Variants in SCN11A observed in about 807,000 individuals in gnomAD.
SCN11A encodes the protein sodium voltage-gated channel alpha subunit 11, also known as sodium channel protein type 11 subunit alpha.
Under a neutral mutation model 162.2 loss-of-function variants are expected in SCN11A, and 122 were observed. The observed-to-expected ratio is 0.75, with a 90% CI of 0.65 to 0.87. SCN11A has a LOEUF of 0.87. Ranked by LOEUF, SCN11A falls within the 40% of genes least tolerant of loss-of-function variation. SCN11A has a pLI of 0.00. For missense variants in SCN11A, 2,015 were observed against 2,181.6 expected, an observed-to-expected ratio of 0.92 and a Z score of 1.52; for synonymous variants, 758 against 751.5, an observed-to-expected ratio of 1.01 and a Z score of -0.14.
chr3:39,051,902 G>A lies in SCN11A; in HGVS notation c.-445C>T, dbSNP rs2032399099. On this transcript the variant is annotated 5_prime_UTR_variant, in exon 1 of 30. Transcript: ENST00000302328. ...CGGCCACACAGCAACTAACAGCACC[G>A]AGGAAACACAACAGCCTGTTTACCT... 2.5e-6 allele frequency: 3 copies of A among 1,216,888 alleles called. No individual in the cohort carries two copies. Among genetic ancestry groups the A allele is most frequent in the Admixed American group, 2.0e-5 (1 of 51,202 alleles). The allele number at this position is 1,216,888 out of a possible 1,614,324, so 75.4% of individuals were successfully genotyped here. A position where few individuals can be genotyped will look rare whatever the true frequency, so the allele number is the denominator to read the frequency against.
In SCN11A at chr3:38,859,787, T is replaced by C. The variant is rs73066569; in HGVS notation, c.4056+3408A>G. The stretch of plus-strand genomic sequence containing the variant: ...TTCATGGCTTGACTTTGAAACAAAA[T>C]TGATAATAGATCTTTCCCAAAATGA... On this transcript the variant is annotated intron_variant, in intron 28 of 29. Coordinates refer to ENST00000302328, the MANE Select transcript of SCN11A (RefSeq NM_001349253.2). 1.9e-3 allele frequency among the ~76,000 whole-genome samples: 287 copies of C among 152,260 alleles called. 2 individuals are homozygous for C. Among genetic ancestry groups the C allele is most frequent in the Non-Finnish European group, 2.0e-3 (137 of 68,006 alleles).
rs539350276 is a variant in SCN11A at position 39,017,817 on chromosome 3, C to T, written c.-280+14563G>A. Among the ~76,000 whole-genome samples, 3 of 152,142 alleles carry T rather than the reference C, an allele frequency of 2.0e-5. 1 individual carries two copies. Among genetic ancestry groups the T allele is most frequent in the South Asian group, 4.1e-4 (2 of 4,826 alleles). On this transcript the variant is annotated intron_variant, in intron 2 of 29. Coordinates refer to ENST00000302328, the MANE Select transcript of SCN11A (RefSeq NM_001349253.2). ...AATTATAATACCTATGGCACTTCTG[C>T]GTGGTTTTGATTGAACAATTTATCT...
intron 1 of SCN11A, among the ~76,000 whole-genome samples, chr3:39,044,639 A>C (rs111524169): frequency 0.016 from 2,372 of 152,296 alleles, 69 homozygotes; most frequent in African/African-American, 0.055. Flanking sequence ...ACAGAAACAC[A>C]ACATACCAAA....
chr3:39,051,116 T>C (rs2032352093), intron 1 of SCN11A, among the ~76,000 whole-genome samples: 1 of 148,558 alleles, frequency 6.7e-6, no homozygotes, highest in African/African-American at 2.4e-5. Flanking sequence ...CATCTTTTTG[T>C]CTTGTTTTTT....
At chr3:39,037,099 T>A (rs2031921398) in intron 1 of SCN11A, among the ~76,000 whole-genome samples, 3 of 152,148 alleles carry the variant, frequency 2.0e-5, no homozygotes, top group Admixed American at 6.6e-5. Context: ...GACAAGTGGA[T>A]AAAGAAAATG....
chr3:38,889,016 A>T (rs2065449074), intron 19 of SCN11A, among the ~76,000 whole-genome samples: 1 of 152,202 alleles, frequency 6.6e-6, no homozygotes, highest in South Asian at 2.1e-4. Flanking sequence ...TTTTTTAATG[A>T]AATTGAAAAA....
intron 13 of SCN11A, 135 bp from the exon 14 acceptor site, chr3:38,908,257 G>C: frequency 1.4e-6 from 1 of 728,974 alleles, no homozygotes; most frequent in South Asian, 1.7e-5. Flanking sequence ...TCATCTACCT[G>C]GACTACGCTA....
chr3:38,930,313 G>A (rs1199481428), intron 7 of SCN11A, among the ~76,000 whole-genome samples: 2 of 152,220 alleles, frequency 1.3e-5, no homozygotes, highest in Non-Finnish European at 2.9e-5. Flanking sequence ...ACAGGCAAGA[G>A]CTCCTCCTTG....
intron 20 of SCN11A, 47 bp downstream of exon 20, chr3:38,886,078 G>T: frequency 1.7e-6 from 2 of 1,198,290 alleles, no homozygotes; most frequent in Non-Finnish European, 2.5e-6. Context: ...TGGAGAAGGT[G>T]TGTGGATGAG....
intron 28 of SCN11A, among the ~76,000 whole-genome samples, chr3:38,862,407 G>T (rs953891382): frequency 1.3e-5 from 2 of 152,000 alleles, no homozygotes; most frequent in Non-Finnish European, 2.9e-5. Flanking sequence ...CAAAGGAAAA[G>T]AAATTACTAT....
chr3:38,924,319 C>T (rs1383330342), intron 9 of SCN11A, among the ~76,000 whole-genome samples: 1 of 152,004 alleles, frequency 6.6e-6, no homozygotes, highest in Non-Finnish European at 1.5e-5. Context: ...TCAAGCAATT[C>T]TCCTGCCTCA....
At chr3:39,029,783 A>G (rs1476262535) in intron 2 of SCN11A, among the ~76,000 whole-genome samples, 1 of 152,236 alleles carries the variant, frequency 6.6e-6, no homozygotes, top group African/African-American at 2.4e-5. Flanking sequence ...AGGCTTCTGC[A>G]GGCATTCATG....
At chr3:39,019,303 C>T (rs1435808795) in intron 2 of SCN11A, among the ~76,000 whole-genome samples, 1 of 152,118 alleles carries the variant, frequency 6.6e-6, no homozygotes, top group Admixed American at 6.5e-5. Context: ...CCAGAAGTGA[C>T]TCAGTGCTCA....
intron 2 of SCN11A, among the ~76,000 whole-genome samples, chr3:39,018,919 C>T (rs1298674732): frequency 6.6e-6 from 1 of 152,164 alleles, no homozygotes; most frequent in Non-Finnish European, 1.5e-5. Flanking sequence ...TCTGATCTAG[C>T]CAAATGCTCT....
chr3:39,001,247 C>CA (rs1284457288), intron 2 of SCN11A, among the ~76,000 whole-genome samples: 2 of 151,940 alleles, frequency 1.3e-5, no homozygotes, highest in African/African-American at 2.4e-5. Flanking sequence ...CATCACCCCT[C>CA]AAAAAAAACT....
At chr3:38,857,213 A>G (rs988771671) in intron 28 of SCN11A, among the ~76,000 whole-genome samples, 6 of 152,130 alleles carry the variant, frequency 3.9e-5, no homozygotes, top group African/African-American at 9.6e-5. Flanking sequence ...AATCAAGGAG[A>G]TACCAAAGAA....
At chr3:39,036,903 G>C (rs1181534146) in intron 1 of SCN11A, among the ~76,000 whole-genome samples, 1 of 152,164 alleles carries the variant, frequency 6.6e-6, no homozygotes, top group Non-Finnish European at 1.5e-5. Flanking sequence ...CCACTCTGGA[G>C]AACAGTATAG....
chr3:39,048,509 A>G (rs186406475), intron 1 of SCN11A, among the ~76,000 whole-genome samples: 20 of 152,320 alleles, frequency 1.3e-4, no homozygotes, highest in Admixed American at 1.2e-3. Context: ...CAAATAGCTA[A>G]AAGAGTGGAT....
At chr3:38,994,912 C>T (rs1213563608) in intron 2 of SCN11A, among the ~76,000 whole-genome samples, 1 of 152,042 alleles carries the variant, frequency 6.6e-6, no homozygotes, top group East Asian at 1.9e-4. Flanking sequence ...CTCTGAAGAC[C>T]CACAGAAGCC....
Sources: gnomAD v4.1 joint callset for allele counts (sites outside exome capture counted in the v4.1 genomes callset) on GRCh38, gnomAD v4.1.1 for gene constraint, MANE v1.5 for transcripts, NCBI Gene and HGNC (gene_info 2026-07-23, HGNC 2026-07-21) for gene names.